CPA5: variants seen among roughly 807,000 people sequenced by gnomAD.
CPA5 encodes the protein testicular tissue protein Li 32.
CPA5 carries 38 observed loss-of-function variants against 52.2 expected under a neutral mutation model. The ratio of observed to expected loss-of-function variants is 0.73; its 90% CI spans 0.56 to 0.95. CPA5 has a LOEUF of 0.95. CPA5 is among the 40% of genes least tolerant of loss of function. CPA5 has a pLI of 0.00. For synonymous variants in CPA5, 198 were observed against 213.7 expected (o/e 0.93, Z 0.64); for missense variants, 519 against 566.7 (o/e 0.92, Z 0.86).
chr7:130,359,519 C>A, intron 5 of CPA5, 70 bp from the exon 6 acceptor site: 1 of 1,097,704 alleles, frequency 9.1e-7, no homozygotes, highest in Non-Finnish European at 1.3e-6. Context: ...CCAGTGGAGG[C>A]AGGGCTCAGA....
intron 5 of CPA5, among the ~76,000 whole-genome samples, chr7:130,359,331 A>G (rs1193801196): frequency 1.3e-5 from 2 of 152,246 alleles, no homozygotes; most frequent in Non-Finnish European, 2.9e-5. Context: ...TTAGTGGCAG[A>G]GGCAGACCTA....
chr7:130,364,445 G>A (rs782035044), intron 10 of CPA5, among the ~76,000 whole-genome samples: 38 of 152,264 alleles, frequency 2.5e-4, no homozygotes, highest in South Asian at 1.5e-3. Context: ...CACTCACCTC[G>A]GCCTCCCAAA....
chr7:130,356,630 G>C (rs1343664662), intron 5 of CPA5, among the ~76,000 whole-genome samples: 2 of 152,212 alleles, frequency 1.3e-5, no homozygotes, highest in African/African-American at 4.8e-5. Context: ...GGCTGTGAGG[G>C]TGTCTGGAAA....
chr7:130,351,535 A>G (rs1470192176), intron 5 of CPA5, among the ~76,000 whole-genome samples: 1 of 151,832 alleles, frequency 6.6e-6, no homozygotes, highest in Non-Finnish European at 1.5e-5. Flanking sequence ...TGACCTCTTA[A>G]CCTTGATCCA....
At chr7:130,352,245 C>T (rs1795193922) in intron 5 of CPA5, among the ~76,000 whole-genome samples, 1 of 152,060 alleles carries the variant, frequency 6.6e-6, no homozygotes, top group Non-Finnish European at 1.5e-5. Flanking sequence ...GCCATTCATT[C>T]CACTCCCAGA....
At chr7:130,367,825 C>T (rs1294551609) in intron 11 of CPA5, 81 bp from the exon 12 acceptor site, 2 of 1,240,100 alleles carry the variant, frequency 1.6e-6, no homozygotes, top group East Asian at 2.3e-5. Flanking sequence ...ATCCATGCTT[C>T]TCACCAGCTG....
At chr7:130,367,176 A>G (rs370255196) in intron 10 of CPA5, among the ~76,000 whole-genome samples, 196 bp from the exon 11 acceptor site, 6 of 152,098 alleles carry the variant, frequency 3.9e-5, no homozygotes, top group East Asian at 3.9e-4. Flanking sequence ...GAGAAGTCAC[A>G]CTTGCTCTTA....
Position 130,362,494 on chromosome 7 carries a change from C to T in CPA5, c.591C>T (p.Ser197=). The T allele has an allele frequency of 6.2e-7, 1 of 1,613,756 alleles. No individual in the cohort carries two copies. Among genetic ancestry groups the T allele is most frequent in the Non-Finnish European group, 8.5e-7 (1 of 1,179,744 alleles). The change falls in exon 8 of 13, where the codon TCC becomes TCT. Residue 197 remains serine, a synonymous_variant. Transcript: ENST00000474905. ...PAIWIDTGIH[S]REWITHATGI... ...TCTGGATTGACACTGGAATTCACTC[C>T]CGGGAGTGGATCACCCATGCCACCG... is the stretch of plus-strand genomic sequence containing the variant.
chr7:130,367,186 A>G (rs1437150876), intron 10 of CPA5, among the ~76,000 whole-genome samples, 186 bp from the exon 11 acceptor site: 1 of 152,078 alleles, frequency 6.6e-6, no homozygotes, highest in Non-Finnish European at 1.5e-5. Context: ...ACTTGCTCTT[A>G]ACAATCTCAA....
chr7:130,361,271 G>A, intron 7 of CPA5, 27 bp downstream of exon 7: 1 of 1,494,666 alleles, frequency 6.7e-7, no homozygotes, highest in Non-Finnish European at 9.3e-7. Flanking sequence ...TCAACCTGTA[G>A]ACTCTACCTT....
intron 7 of CPA5, 22 bp from the exon 8 acceptor site, chr7:130,362,416 G>A (rs782786804): frequency 1.5e-5 from 23 of 1,580,420 alleles, no homozygotes; most frequent in Non-Finnish European, 1.0e-5. Flanking sequence ...ACCTCGGTTT[G>A]GGGCCCGATT....
At chr7:130,347,958 C>A in intron 4 of CPA5, 111 bp downstream of exon 4, 1 of 771,842 alleles carries the variant, frequency 1.3e-6, no homozygotes. Flanking sequence ...GAGGTCCCTG[C>A]AAAGAGCACA....
At position 130,362,447 on chromosome 7, in the gene CPA5, G is replaced by C. The variant is rs1795839879; in HGVS notation, c.544G>C (p.Gly182Arg). The C allele has an allele frequency of 6.2e-7, 1 of 1,611,770 alleles. No homozygotes were observed. Among genetic ancestry groups the C allele is most frequent in the African/African-American group, 1.3e-5 (1 of 74,898 alleles). Residue 182 changes from glycine to arginine, a missense_variant, in exon 8 of 13, where the codon GGA (glycine) becomes CGA (arginine). Transcript: ENST00000474905. ...QSILVLKFSTGGSRHPAIWID... is the reference protein window; with the variant it reads ...QSILVLKFSTRGSRHPAIWID... ...CGATTCTTTTTCTCAGTTCAGCACTGGAGGTTCTCGGCACCCAGCCATCTG... is the reference window on the plus strand; with the variant it reads ...CGATTCTTTTTCTCAGTTCAGCACTCGAGGTTCTCGGCACCCAGCCATCTG...
At chr7:130,362,397 T>A (rs1253599206) in intron 7 of CPA5, 41 bp from the exon 8 acceptor site, 1 of 1,460,690 alleles carries the variant, frequency 6.8e-7, no homozygotes, top group Non-Finnish European at 9.6e-7. Context: ...AGTAGCTGTC[T>A]GAGTTCAAAC....
chr7:130,372,779 C>T (rs1299167717), downstream of CPA5, among the ~76,000 whole-genome samples: 8 of 152,072 alleles, frequency 5.3e-5, no homozygotes, highest in African/African-American at 1.5e-4. Flanking sequence ...AAGGGAAGAA[C>T]GGATATTTGG....
intron 10 of CPA5, among the ~76,000 whole-genome samples, chr7:130,363,940 T>C (rs1362212048): frequency 6.6e-6 from 1 of 152,222 alleles, no homozygotes; most frequent in African/African-American, 2.4e-5. Flanking sequence ...CTCTGAACTC[T>C]TTCCCCGAGA....
chr7:130,359,285 T>A (rs562952254), intron 5 of CPA5, among the ~76,000 whole-genome samples: 2 of 152,350 alleles, frequency 1.3e-5, no homozygotes, highest in African/African-American at 4.8e-5. Flanking sequence ...ATTTTCAAGC[T>A]GAGGAAACTA....
At chr7:130,361,740 G>A (rs1441955651) in intron 7 of CPA5, among the ~76,000 whole-genome samples, 1 of 152,146 alleles carries the variant, frequency 6.6e-6, no homozygotes, top group African/African-American at 2.4e-5. Context: ...CAGTTCCTTG[G>A]GTCATGAAGG....
intron 5 of CPA5, among the ~76,000 whole-genome samples, chr7:130,351,943 C>T (rs2117329359): frequency 6.6e-6 from 1 of 152,174 alleles, no homozygotes; most frequent in South Asian, 2.1e-4. Flanking sequence ...GTCTTTGTTC[C>T]TCTGGCCCCC....
Sources: allele counts gnomAD v4.1 joint callset (sites outside exome capture counted in the v4.1 genomes callset), GRCh38; gene constraint gnomAD v4.1.1; transcripts MANE v1.5; gene names NCBI Gene and HGNC (gene_info 2026-07-23, HGNC 2026-07-21).